The following CYP4X1 variants were observed in gnomAD, a reference collection of about 807,000 sequenced individuals.
CYP4X1 encodes cytochrome P450 family 4 subfamily X member 1, also known as cytochrome P450 4X1.
In CYP4X1, 44 loss-of-function variants were observed where a neutral mutation model predicts 57.9. The observed-to-expected ratio is 0.76, with a 90% CI of 0.60 to 0.98. The LOEUF is 0.98. Ranked by LOEUF, CYP4X1 falls within the 50% of genes least tolerant of loss-of-function variation. The pLI, the probability that CYP4X1 is intolerant of heterozygous loss-of-function variation, is 0.00. For missense variants in CYP4X1, 532 were observed against 623.9 expected (o/e 0.85, Z 1.57); for synonymous variants, 227 against 228.6 (o/e 0.99, Z 0.06).
the CYP4X1 span, among the ~76,000 whole-genome samples, chr1:46,978,083 C>A: frequency 4.6e-5 from 7 of 152,052 alleles, no homozygotes; most frequent in Admixed American, 1.3e-4. Flanking sequence ...AGCAAAATAA[C>A]CAGCTAACAT....
chr1:46,986,654 A>G, the CYP4X1 span, among the ~76,000 whole-genome samples: 1 of 152,236 alleles, frequency 6.6e-6, no homozygotes, highest in East Asian at 1.9e-4. Flanking sequence ...GTTACCCACA[A>G]AGGGAAACCC....
the CYP4X1 span, among the ~76,000 whole-genome samples, chr1:46,979,145 T>C: frequency 1.3e-5 from 2 of 151,894 alleles, no homozygotes; most frequent in Non-Finnish European, 2.9e-5. Context: ...CTGAAGGAGA[T>C]AGAGACACAA....
the CYP4X1 span, among the ~76,000 whole-genome samples, chr1:47,004,186 G>T: frequency 2.6e-5 from 4 of 151,948 alleles, no homozygotes; most frequent in African/African-American, 9.7e-5. Context: ...CTGTAACGGG[G>T]CTCTTGAGCC....
intron 2 of CYP4X1, among the ~76,000 whole-genome samples, 165 bp from the exon 3 acceptor site, chr1:47,031,271 C>G (rs1269645963): frequency 6.6e-6 from 1 of 152,230 alleles, no homozygotes; most frequent in Admixed American, 6.5e-5. Flanking sequence ...AAGACTAACA[C>G]AAGTCTTTCC....
the CYP4X1 span, among the ~76,000 whole-genome samples, chr1:47,005,393 G>A: frequency 6.6e-6 from 1 of 152,096 alleles, no homozygotes; most frequent in Admixed American, 6.6e-5. Flanking sequence ...CTGGGGGTTT[G>A]GCCTTTAAAA....
chr1:47,000,570 G>A, the CYP4X1 span, among the ~76,000 whole-genome samples: 1 of 152,076 alleles, frequency 6.6e-6, no homozygotes, highest in Non-Finnish European at 1.5e-5. Flanking sequence ...CTGAGGTTGT[G>A]GTAGTTTATT....
chr1:47,032,817 G>C (rs1228027115), intron 3 of CYP4X1, among the ~76,000 whole-genome samples: 1 of 152,136 alleles, frequency 6.6e-6, no homozygotes, highest in Admixed American at 6.5e-5. Context: ...CTAGGGAGTA[G>C]GTTGGCTACC....
At chr1:47,031,157 C>G (rs530251215) in intron 2 of CYP4X1, among the ~76,000 whole-genome samples, 1 of 152,348 alleles carries the variant, frequency 6.6e-6, no homozygotes, top group East Asian at 1.9e-4. Flanking sequence ...CTTTGCAACC[C>G]TCAGGCAAAC....
the CYP4X1 span, among the ~76,000 whole-genome samples, chr1:47,004,507 T>C: frequency 1.3e-5 from 2 of 152,212 alleles, no homozygotes; most frequent in African/African-American, 2.4e-5. Flanking sequence ...CAACTGCAGA[T>C]GTCTGGCCAT....
chr1:47,049,923 T>C (rs1644344040), intron 11 of CYP4X1, 77 bp from the exon 12 acceptor site: 6 of 1,418,158 alleles, frequency 4.2e-6, no homozygotes, highest in Non-Finnish European at 5.9e-6. Context: ...ACTTCAGACT[T>C]ATTGTACTAG....
the CYP4X1 span, among the ~76,000 whole-genome samples, chr1:47,015,943 T>C: frequency 6.6e-6 from 1 of 152,200 alleles, no homozygotes; most frequent in Non-Finnish European, 1.5e-5. Context: ...ACAGACTCCC[T>C]GTCTTGAGAA....
the CYP4X1 span, among the ~76,000 whole-genome samples, chr1:47,011,664 C>A: frequency 6.6e-6 from 1 of 152,120 alleles, no homozygotes; most frequent in Non-Finnish European, 1.5e-5. Flanking sequence ...ACCCATCTGG[C>A]AAATGGCTAA....
downstream of CYP4X1, among the ~76,000 whole-genome samples, chr1:47,052,361 T>C (rs1366595725): frequency 6.6e-6 from 1 of 152,190 alleles, no homozygotes; most frequent in East Asian, 1.9e-4. Context: ...AAATATTCAA[T>C]ATACCTTATA....
In CYP4X1 at chr1:47,049,576, C is replaced by T. The variant is rs1349604067; in HGVS notation, c.1355+72C>T. 4 of 1,321,000 alleles carry T rather than the reference C, an allele frequency of 3.0e-6. No homozygotes were observed. In the African/African-American group the frequency reaches 4.3e-5, roughly 14 times the overall value. 81.8% of individuals were successfully genotyped at this position (1,321,000 alleles called of 1,614,324 possible). The stretch of plus-strand genomic sequence containing the variant: ...GAGAGTAGTTTATTCCTTTCAGCTC[C>T]TCAGCTCTATACATTCTTCCAGGGA... On this transcript the variant is annotated intron_variant, in intron 11 of 11. Transcript: ENST00000371901.
chr1:47,003,480 G>A, the CYP4X1 span, among the ~76,000 whole-genome samples: 4 of 152,054 alleles, frequency 2.6e-5, no homozygotes, highest in Non-Finnish European at 5.9e-5. Flanking sequence ...AATACCTGAG[G>A]CTAAGAGTAA....
the CYP4X1 span, among the ~76,000 whole-genome samples, chr1:47,011,503 G>A: frequency 6.6e-6 from 1 of 152,104 alleles, no homozygotes; most frequent in Non-Finnish European, 1.5e-5. Context: ...TATGGGCAAG[G>A]ACTTTATGAC....
chr1:47,042,142 T>A (rs1644253244), intron 8 of CYP4X1, among the ~76,000 whole-genome samples: 1 of 152,076 alleles, frequency 6.6e-6, no homozygotes, highest in Admixed American at 6.5e-5. Flanking sequence ...TATATGTCTC[T>A]TTTTTTAGAA....
the CYP4X1 span, among the ~76,000 whole-genome samples, chr1:46,964,766 T>C: frequency 1.3e-5 from 2 of 152,240 alleles, no homozygotes; most frequent in Non-Finnish European, 2.9e-5. Context: ...TCTTCAAAGA[T>C]GCCAGACAGG....
chr1:46,973,455 G>A, the CYP4X1 span, among the ~76,000 whole-genome samples: 1 of 152,148 alleles, frequency 6.6e-6, no homozygotes, highest in Non-Finnish European at 1.5e-5. Flanking sequence ...ATGAGTTAGG[G>A]AGGAGTCCCT....
Sources: gnomAD v4.1 joint callset for allele counts (sites outside exome capture counted in the v4.1 genomes callset) on GRCh38, gnomAD v4.1.1 for gene constraint, MANE v1.5 for transcripts, NCBI Gene and HGNC (gene_info 2026-07-23, HGNC 2026-07-21) for gene names.